CNGA3: variants seen among roughly 807,000 people sequenced by gnomAD.
CNGA3 encodes the protein cyclic nucleotide-gated channel alpha-3.
A neutral mutation model predicts 46.6 loss-of-function variants in CNGA3; 42 were observed. The observed-to-expected ratio is 0.90, with a 90% confidence interval of 0.70 to 1.17. The LOEUF is 1.17. CNGA3 is among the 50% of genes most tolerant of loss of function. The pLI is 0.00. For missense variants in CNGA3, 893 were observed against 890.7 expected (o/e 1.00, Z -0.03); for synonymous variants, 394 against 369.4 (o/e 1.07, Z -0.76).
At chr2:98,377,579 G>A in intron 2 of CNGA3, 108 bp from the exon 3 acceptor site, 1 of 1,022,504 alleles carries the variant, frequency 9.8e-7, no homozygotes, top group East Asian at 2.6e-5. Flanking sequence ...GATCTGTGAG[G>A]GTGGCTTTCC....
At chr2:98,376,251 T>G (rs948343408) in intron 2 of CNGA3, among the ~76,000 whole-genome samples, 11 of 152,042 alleles carry the variant, frequency 7.2e-5, no homozygotes, top group Non-Finnish European at 1.2e-4. Context: ...AGCAATAAAG[T>G]CTTCCCAGAG....
At chr2:98,377,366 G>T in intron 2 of CNGA3, 1 of 297,172 alleles carries the variant, frequency 3.4e-6, no homozygotes, top group Non-Finnish European at 6.5e-6. Flanking sequence ...CAGCTGCTTT[G>T]GCTTGAAATG....
chr2:98,370,775 G>A (rs976904723), intron 2 of CNGA3, among the ~76,000 whole-genome samples: 5 of 152,170 alleles, frequency 3.3e-5, no homozygotes, highest in South Asian at 2.1e-4. Flanking sequence ...GAGGACACCC[G>A]AAGGGACCTA....
chr2:98,377,865 C>A, intron 3 of CNGA3, 65 bp downstream of exon 3: 1 of 1,466,826 alleles, frequency 6.8e-7, no homozygotes, highest in Non-Finnish European at 9.3e-7. Context: ...AAGGTAGTGA[C>A]CTCTCAGGAA....
At chr2:98,370,917 T>C (rs902910986) in intron 2 of CNGA3, among the ~76,000 whole-genome samples, 2 of 152,170 alleles carry the variant, frequency 1.3e-5, no homozygotes, top group Non-Finnish European at 2.9e-5. Context: ...CTCGGCTCAC[T>C]GGGTTCAAGT....
intron 1 of CNGA3, among the ~76,000 whole-genome samples, chr2:98,359,431 G>T (rs975800458): frequency 5.3e-5 from 8 of 152,192 alleles, no homozygotes; most frequent in African/African-American, 1.7e-4. Context: ...ACTGAAAGGT[G>T]GGCAGGAAGG....
chr2:98,357,666 G>A (rs950764372), intron 1 of CNGA3, among the ~76,000 whole-genome samples: 2 of 152,144 alleles, frequency 1.3e-5, no homozygotes, highest in African/African-American at 4.8e-5. Context: ...GTGGCAGGGG[G>A]ACATGCTAGA....
chr2:98,397,093 G>A lies in CNGA3; in HGVS notation c.1923G>A (p.Gln641=). Residue 641 remains glutamine, a synonymous_variant, in exon 8 of 8, where the codon CAG becomes CAA. Transcript: ENST00000272602. ...EQLGSSLDTL[Q]TRFARLLAEY... ...TGGGGTCCTCCCTGGACACCCTGCA[G>A]ACCAGGTTTGCACGCCTCCTGGCTG... is the stretch of plus-strand genomic sequence containing the variant. 1.2e-6 allele frequency: 2 copies of A among 1,614,204 alleles called. No individual in the cohort carries two copies. The highest frequency in any genetic ancestry group is 1.7e-6 in the Non-Finnish European group (2 of 1,180,036).
intron 5 of CNGA3, among the ~76,000 whole-genome samples, chr2:98,385,965 A>G (rs1179700089): frequency 6.6e-6 from 1 of 152,214 alleles, no homozygotes; most frequent in Non-Finnish European, 1.5e-5. Flanking sequence ...ATCCACCACC[A>G]TGACAGGGAC....
Position 98,377,714 on chromosome 2 carries a change from G to A in CNGA3, c.129G>A (p.Ser43=), listed in dbSNP as rs372489647. Residue 43 remains serine, a synonymous_variant, in exon 3 of 8, where the codon TCG becomes TCA. Transcript: ENST00000272602. The part of the protein sequence containing the change: ...SRAHSSSEET[S]SVLQPGIAME... ...CCCACTCGTCAAGTGAGGAGACATCGTCAGTGCTGCAGCCGGGGATCGCCA... is the reference window on the plus strand; with the variant it reads ...CCCACTCGTCAAGTGAGGAGACATCATCAGTGCTGCAGCCGGGGATCGCCA... 220 of 1,613,420 alleles carry A rather than the reference G, an allele frequency of 1.4e-4. No homozygotes were observed. The highest frequency in any genetic ancestry group is 1.6e-4 in the Non-Finnish European group (190 of 1,180,008).
Position 98,391,955 on chromosome 2 carries a change from G to A in CNGA3, c.658G>A (p.Val220Ile), listed in dbSNP as rs772982333. ...TGTCCTGTATGTCTTGGATGTGCTTGTACGAGCTCGGACAGGTGAGTGTGC... is the reference window on the plus strand; with the variant it reads ...TGTCCTGTATGTCTTGGATGTGCTTATACGAGCTCGGACAGGTGAGTGTGC... Reference protein sequence around the residue: ...ADVLYVLDVLVRARTGFLEQG... With the variant: ...ADVLYVLDVLIRARTGFLEQG... The change falls in exon 7 of 8, where the codon GTA (valine) becomes ATA (isoleucine). Residue 220 changes from valine to isoleucine, a missense_variant. Val to Ile is a conservative substitution (Grantham distance 29). This residue lies in a region of CNGA3 where 333 missense variants were observed against 290.8 expected (regional missense o/e 1.15). Transcript: ENST00000272602. 1.2e-6 allele frequency: 2 copies of A among 1,613,996 alleles called. No homozygotes were observed. Among genetic ancestry groups the A allele is most frequent in the Non-Finnish European group, 1.7e-6 (2 of 1,179,982 alleles).
In CNGA3 at chr2:98,391,803, TGG is replaced by T. The variant is rs1692794276; in HGVS notation, c.567-59_567-58del. ...TCCACACAGAGCCCGTGCCCACAGG[TGG>T]GTGGTCCACGCTCCAGAAACACACG... On this transcript the variant is annotated intron_variant, in intron 6 of 7. Transcript: ENST00000272602. 5.9e-6 allele frequency: 9 copies of T among 1,519,294 alleles called. No homozygotes were observed. The South Asian group carries it at 1.0e-4, about 17-fold the overall frequency. 94.1% of individuals were successfully genotyped at this position (1,519,294 alleles called of 1,614,324 possible). A position where few individuals can be genotyped will look rare whatever the true frequency, so the allele number is the denominator to read the frequency against.
chr2:98,373,713 C>T (rs1360406580), intron 2 of CNGA3, among the ~76,000 whole-genome samples: 1 of 152,156 alleles, frequency 6.6e-6, no homozygotes, highest in Admixed American at 6.5e-5. Context: ...TAAGAACTGT[C>T]TGGCATATCT....
At chr2:98,376,197 C>T (rs928387799) in intron 2 of CNGA3, among the ~76,000 whole-genome samples, 1 of 152,144 alleles carries the variant, frequency 6.6e-6, no homozygotes, top group Non-Finnish European at 1.5e-5. Context: ...TGGGTTTTCG[C>T]TGACTGTAGC....
intron 5 of CNGA3, among the ~76,000 whole-genome samples, chr2:98,385,108 TG>T (rs1558815033): frequency 6.6e-6 from 1 of 152,186 alleles, no homozygotes; most frequent in African/African-American, 2.4e-5. Context: ...ATGCAGCCGA[TG>T]GTGCTGGGTC....
intron 7 of CNGA3, among the ~76,000 whole-genome samples, chr2:98,395,399 ACCTCAG>A (rs1692887392): frequency 6.6e-6 from 1 of 151,988 alleles, no homozygotes; most frequent in Non-Finnish European, 1.5e-5. Context: ...CAAACCCTTG[ACCTCAG>A]GTGATCCACC....
At position 98,396,517 on chromosome 2, in the gene CNGA3, G is replaced by A. The variant is rs778251470; in HGVS notation, c.1347G>A (p.Lys449=). The change falls in exon 8 of 8, where the codon AAG becomes AAA. Residue 449 remains lysine, a synonymous_variant. Coordinates refer to ENST00000272602, the MANE Select transcript of CNGA3 (RefSeq NM_001298.3). ...RWFDYLWANK[K]TVDEKEVLKS... ...TTGACTACCTGTGGGCCAACAAGAA[G>A]ACGGTGGATGAGAAGGAGGTGCTCA... is the stretch of plus-strand genomic sequence containing the variant. 21 of 1,613,932 alleles carry A rather than the reference G, an allele frequency of 1.3e-5. No individual in the cohort carries two copies. The highest frequency in any genetic ancestry group is 1.6e-5 in the Non-Finnish European group (19 of 1,180,038).
chr2:98,397,133 C>T lies in CNGA3; in HGVS notation c.1963C>T (p.Gln655Ter). 6.2e-7 allele frequency: 1 copy of T among 1,614,132 alleles called. No homozygotes were observed. Among genetic ancestry groups the T allele is most frequent in the Non-Finnish European group, 8.5e-7 (1 of 1,180,002 alleles). Reference sequence around the variant, plus strand: ...CCTCCTGGCTGAGTACAACGCCACCCAGATGAAGATGAAGCAGCGTCTCAG... The same window carrying T: ...CCTCCTGGCTGAGTACAACGCCACCTAGATGAAGATGAAGCAGCGTCTCAG... ...ARLLAEYNAT[Q>*]MKMKQRLSQL... Residue 655 changes from glutamine to a stop codon, truncating the protein, a stop_gained, in exon 8 of 8, where the codon CAG (glutamine) becomes TAG (stop). Coordinates refer to ENST00000272602, the MANE Select transcript of CNGA3 (RefSeq NM_001298.3). LOFTEE classifies it low-confidence loss of function (END_TRUNC).
chr2:98,365,043 ATTTT>A (rs35874455), intron 1 of CNGA3, among the ~76,000 whole-genome samples: 1 of 144,668 alleles, frequency 6.9e-6, no homozygotes, highest in African/African-American at 2.6e-5. Flanking sequence ...TGCCCTTAAC[ATTTT>A]TTTTTTTTCA....
Sources: gnomAD v4.1 joint callset for allele counts (sites outside exome capture counted in the v4.1 genomes callset) on GRCh38, gnomAD v4.1.1 for gene constraint, gnomAD v4.1.1 regional missense constraint, MANE v1.5 for transcripts, NCBI Gene and HGNC (gene_info 2026-07-23, HGNC 2026-07-21) for gene names.